Variants in ANKRD6 observed in about 807,000 individuals in gnomAD.
The protein encoded by ANKRD6 is ankyrin repeat domain-containing protein 6.
A neutral mutation model predicts 82.3 loss-of-function variants in ANKRD6; 56 were observed. That is an observed-to-expected ratio of 0.68 (90% CI 0.55 to 0.85). The LOEUF (loss-of-function observed/expected upper bound fraction) is 0.85, where lower values mean the gene tolerates loss of function less well. ANKRD6 is among the 40% of genes least tolerant of loss of function. The pLI, the probability that ANKRD6 is intolerant of heterozygous loss-of-function variation, is 0.00. For synonymous variants in ANKRD6, 347 were observed against 352.1 expected (o/e 0.99, Z 0.16); for missense variants, 852 against 907.6 (o/e 0.94, Z 0.79).
intron 2 of ANKRD6, among the ~76,000 whole-genome samples, chr6:89,595,707 G>A (rs1022972374): frequency 3.3e-5 from 5 of 152,156 alleles, no homozygotes; most frequent in Admixed American, 6.5e-5. Flanking sequence ...TGAACATATC[G>A]TGTTCATTGA....
chr6:89,613,385 A>G (rs1369906104), intron 6 of ANKRD6, among the ~76,000 whole-genome samples: 1 of 152,114 alleles, frequency 6.6e-6, no homozygotes, highest in Non-Finnish European at 1.5e-5. Flanking sequence ...TATGCTGGGA[A>G]GGGCTCATTT....
At chr6:89,539,068 A>C (rs1784182656) in intron 1 of ANKRD6, among the ~76,000 whole-genome samples, 1 of 152,180 alleles carries the variant, frequency 6.6e-6, no homozygotes, top group South Asian at 2.1e-4. Context: ...ACATATGGGA[A>C]ATACATGGAT....
chr6:89,496,828 GT>G (rs549224602), intron 1 of ANKRD6, among the ~76,000 whole-genome samples: 4 of 152,106 alleles, frequency 2.6e-5, no homozygotes, highest in Non-Finnish European at 5.9e-5. Flanking sequence ...CTTTTATTAT[GT>G]TTCAGAATTT....
At chr6:89,469,538 CT>C (rs1228956101) in intron 1 of ANKRD6, among the ~76,000 whole-genome samples, 3 of 152,210 alleles carry the variant, frequency 2.0e-5, no homozygotes, top group African/African-American at 7.2e-5. Flanking sequence ...GTTGTCACCC[CT>C]GGTGATCTGT....
intron 1 of ANKRD6, among the ~76,000 whole-genome samples, chr6:89,503,123 A>G (rs1442591511): frequency 1.3e-5 from 2 of 152,216 alleles, no homozygotes; most frequent in East Asian, 3.8e-4. Flanking sequence ...CACTGAGGTT[A>G]GTAATTGGAA....
chr6:89,624,106 G>A (rs773586986), intron 12 of ANKRD6, 49 bp downstream of exon 12: 2 of 1,536,916 alleles, frequency 1.3e-6, no homozygotes, highest in Admixed American at 2.1e-5. Flanking sequence ...CTTCAGCAAG[G>A]GTTTTTGTTT....
intron 1 of ANKRD6, among the ~76,000 whole-genome samples, chr6:89,538,533 GT>G (rs1451979595): frequency 2.0e-5 from 3 of 152,152 alleles, no homozygotes; most frequent in Non-Finnish European, 4.4e-5. Context: ...TCAACATACT[GT>G]TTCCTTCAAG....
intron 5 of ANKRD6, among the ~76,000 whole-genome samples, chr6:89,610,301 G>C (rs372558118): frequency 6.6e-6 from 1 of 152,076 alleles, no homozygotes; most frequent in African/African-American, 2.4e-5. Context: ...GGGCAACCAC[G>C]GATCTGTTTT....
chr6:89,471,708 G>A (rs1295259825), intron 1 of ANKRD6, among the ~76,000 whole-genome samples: 1 of 152,002 alleles, frequency 6.6e-6, no homozygotes, highest in Non-Finnish European at 1.5e-5. Flanking sequence ...GATCAAGTTA[G>A]TCCAGGAGTG....
chr6:89,453,932 GC>G (rs752528405), intron 1 of ANKRD6, among the ~76,000 whole-genome samples: 61 of 152,184 alleles, frequency 4.0e-4, no homozygotes, highest in Non-Finnish European at 7.6e-4. Context: ...CTCCGGAGTA[GC>G]TGGGACTACA....
intron 1 of ANKRD6, among the ~76,000 whole-genome samples, chr6:89,462,245 T>A (rs202207399): frequency 1.3e-3 from 168 of 128,916 alleles, no homozygotes; most frequent in Admixed American, 4.5e-3. Context: ...ATAATAATAA[T>A]AATAATAATA....
chr6:89,498,059 G>A (rs796935882), intron 1 of ANKRD6, among the ~76,000 whole-genome samples: 8 of 152,094 alleles, frequency 5.3e-5, no homozygotes, highest in African/African-American at 1.9e-4. Flanking sequence ...AGTTCCAGAG[G>A]GATTTAAAAC....
At chr6:89,499,333 T>C (rs1449926160) in intron 1 of ANKRD6, among the ~76,000 whole-genome samples, 2 of 152,154 alleles carry the variant, frequency 1.3e-5, no homozygotes, top group Non-Finnish European at 2.9e-5. Flanking sequence ...AAAAGAAGCC[T>C]CTATTTTGTG....
rs375522002 is a variant in ANKRD6, at chr6:89,613,901, G to T, written c.615+11G>T. ...CATGAAAAGAACCAGGTCAGTGCAT[G>T]TATTCTCTTCATGGCTGCCAGCACC... On this transcript the variant is annotated intron_variant, in intron 7 of 15. Coordinates refer to ENST00000339746, the MANE Select transcript of ANKRD6 (RefSeq NM_001242809.2). 2 of 1,613,274 alleles carry T rather than the reference G, an allele frequency of 1.2e-6. No homozygotes were observed. Among genetic ancestry groups the T allele is most frequent in the South Asian group, 2.2e-5 (2 of 91,032 alleles).
intron 12 of ANKRD6, 27 bp from the exon 13 acceptor site, chr6:89,624,512 T>C (rs1007701281): frequency 6.4e-7 from 1 of 1,551,298 alleles, no homozygotes; most frequent in Admixed American, 2.0e-5. Flanking sequence ...GAACAAGGGA[T>C]TGATTCCTTT....
chr6:89,551,366 T>C (rs1303823789), intron 1 of ANKRD6, among the ~76,000 whole-genome samples: 1 of 152,242 alleles, frequency 6.6e-6, no homozygotes, highest in Non-Finnish European at 1.5e-5. Flanking sequence ...ATGCTGTTTG[T>C]TTTGACATTG....
At chr6:89,563,997 A>G (rs1242446933) in intron 1 of ANKRD6, among the ~76,000 whole-genome samples, 1 of 152,152 alleles carries the variant, frequency 6.6e-6, no homozygotes, top group Non-Finnish European at 1.5e-5. Flanking sequence ...CCCTCATTTG[A>G]TACCTTCCCA....
intron 1 of ANKRD6, among the ~76,000 whole-genome samples, chr6:89,471,326 T>C (rs1416856829): frequency 1.5e-5 from 2 of 132,092 alleles, no homozygotes; most frequent in Non-Finnish European, 3.1e-5. Flanking sequence ...GCCTGGGTGA[T>C]GGAGTGAGAC....
chr6:89,486,312 G>A (rs969177083), intron 1 of ANKRD6, among the ~76,000 whole-genome samples: 2 of 151,840 alleles, frequency 1.3e-5, no homozygotes, highest in African/African-American at 4.8e-5. Context: ...AATGGTGCTG[G>A]GACATTTGAT....
Sources: gnomAD v4.1 joint callset for allele counts (sites outside exome capture counted in the v4.1 genomes callset) on GRCh38, gnomAD v4.1.1 for gene constraint, MANE v1.5 for transcripts, NCBI Gene and HGNC (gene_info 2026-07-23, HGNC 2026-07-21) for gene names.